The following ALCAM variants were observed in gnomAD, a reference collection of about 807,000 sequenced individuals.
The protein encoded by ALCAM is CD166 antigen.
A neutral mutation model predicts 70.9 loss-of-function variants in ALCAM; 30 were observed. The observed-to-expected ratio is 0.42, with a 90% CI of 0.32 to 0.57. The LOEUF is 0.57. Ranked by LOEUF, ALCAM falls within the 20% of genes least tolerant of loss-of-function variation. The pLI is 0.11. For synonymous variants in ALCAM, 249 were observed against 242.5 expected (o/e 1.03, Z -0.25); for missense variants, 591 against 695.1 (o/e 0.85, Z 1.68).
At chr3:105,534,993 T>TCC in intron 6 of ALCAM, 148 bp downstream of exon 6, 1 of 688,078 alleles carries the variant, frequency 1.5e-6, no homozygotes, top group Non-Finnish European at 2.4e-6. Flanking sequence ...AATCTCTTCC[T>TCC]CTTTAGGAGA....
At chr3:105,449,840 G>A (rs1937384338) in intron 1 of ALCAM, among the ~76,000 whole-genome samples, 1 of 152,136 alleles carries the variant, frequency 6.6e-6, no homozygotes, top group South Asian at 2.1e-4. Flanking sequence ...AAACCACCAA[G>A]AGAATGGTGG....
chr3:105,409,666 A>G (rs922129326), intron 1 of ALCAM, among the ~76,000 whole-genome samples: 5 of 152,038 alleles, frequency 3.3e-5, no homozygotes, highest in African/African-American at 1.2e-4. Context: ...CAACTTACTC[A>G]TGTAACCAAA....
intron 1 of ALCAM, among the ~76,000 whole-genome samples, chr3:105,367,810 T>A (rs1935106362): frequency 6.6e-6 from 1 of 152,160 alleles, no homozygotes; most frequent in African/African-American, 2.4e-5. Flanking sequence ...CCTCTGACAG[T>A]TCCTCCTGTC....
intron 1 of ALCAM, among the ~76,000 whole-genome samples, chr3:105,436,659 A>G (rs1171665503): frequency 1.3e-5 from 2 of 152,162 alleles, no homozygotes; most frequent in African/African-American, 4.8e-5. Context: ...AAGTTCTTCA[A>G]CTGAGTCTTC....
chr3:105,477,609 C>A (rs1938155448), intron 1 of ALCAM, among the ~76,000 whole-genome samples: 1 of 152,012 alleles, frequency 6.6e-6, no homozygotes, highest in African/African-American at 2.4e-5. Flanking sequence ...ATTTACTGAA[C>A]TTCTTAAACC....
intron 1 of ALCAM, among the ~76,000 whole-genome samples, chr3:105,471,342 A>G (rs1033797322): frequency 6.6e-6 from 1 of 151,334 alleles, no homozygotes; most frequent in African/African-American, 2.4e-5. Flanking sequence ...GGGATGGAAA[A>G]ATGTCATTTT....
At chr3:105,572,956 G>A (rs1940887692) in intron 15 of ALCAM, among the ~76,000 whole-genome samples, 1 of 151,976 alleles carries the variant, frequency 6.6e-6, no homozygotes, top group African/African-American at 2.4e-5. Flanking sequence ...TTGGTGTTTG[G>A]GTTCAGTAAG....
chr3:105,397,975 T>C (rs956629595), intron 1 of ALCAM, among the ~76,000 whole-genome samples: 1 of 152,104 alleles, frequency 6.6e-6, no homozygotes, highest in South Asian at 2.1e-4. Context: ...GATGCAGTGA[T>C]AAAGAAAACA....
In ALCAM at chr3:105,446,610, T is replaced by TACAC. The variant is rs59828133; in HGVS notation, c.74-73419_74-73416dup. Among the ~76,000 whole-genome samples the TACAC allele has an allele frequency of 4.3e-3, 613 of 144,106 alleles. 4 individuals are homozygous for TACAC. Among genetic ancestry groups the TACAC allele is most frequent in the African/African-American group, 0.011 (428 of 38,328 alleles). The allele number at this position is 144,106 out of a possible 152,430, so 94.5% of individuals were successfully genotyped here. A position where few individuals can be genotyped will look rare whatever the true frequency, so the allele number is the denominator to read the frequency against. On this transcript the variant is annotated intron_variant, in intron 1 of 15. Transcript: ENST00000306107. ...ATGAATGGATAAAGGAAATTTGGTG[T>TACAC]ACACACACACACACACACACACACA...
chr3:105,480,786 C>T (rs972075833), intron 1 of ALCAM, among the ~76,000 whole-genome samples: 1 of 152,122 alleles, frequency 6.6e-6, no homozygotes, highest in African/African-American at 2.4e-5. Context: ...AAAGTATTTT[C>T]TGAGAACAAT....
chr3:105,534,903 C>A, intron 6 of ALCAM, 58 bp downstream of exon 6: 1 of 1,461,978 alleles, frequency 6.8e-7, no homozygotes, highest in African/African-American at 1.4e-5. Context: ...TATTCAAATG[C>A]TATTAATCTT....
intron 1 of ALCAM, among the ~76,000 whole-genome samples, chr3:105,395,515 C>T (rs1214891000): frequency 3.3e-5 from 5 of 151,942 alleles, no homozygotes; most frequent in Non-Finnish European, 7.4e-5. Context: ...TACATCAGCT[C>T]TCCATTTTAG....
chr3:105,388,139 A>G (rs1421084031), intron 1 of ALCAM, among the ~76,000 whole-genome samples: 3 of 151,664 alleles, frequency 2.0e-5, no homozygotes, highest in African/African-American at 7.3e-5. Context: ...CCTCTGTTTA[A>G]CACTGAACAA....
intron 1 of ALCAM, among the ~76,000 whole-genome samples, chr3:105,470,390 A>T (rs1316282446): frequency 6.6e-6 from 1 of 151,104 alleles, no homozygotes; most frequent in African/African-American, 2.4e-5. Flanking sequence ...CTTTTGTGCC[A>T]CAGTAAATAC....
chr3:105,485,701 T>C (rs905087074), intron 1 of ALCAM, among the ~76,000 whole-genome samples: 10 of 152,074 alleles, frequency 6.6e-5, no homozygotes, highest in Non-Finnish European at 1.3e-4. Context: ...TTAAGCAATA[T>C]GATATTGCCT....
chr3:105,453,478 T>C (rs1396974224), intron 1 of ALCAM, among the ~76,000 whole-genome samples: 1 of 152,238 alleles, frequency 6.6e-6, no homozygotes, highest in African/African-American at 2.4e-5. Flanking sequence ...TACTGGAGCC[T>C]TGTAGTATAG....
chr3:105,403,161 G>A (rs922321385), intron 1 of ALCAM, among the ~76,000 whole-genome samples: 1 of 151,966 alleles, frequency 6.6e-6, no homozygotes, highest in Non-Finnish European at 1.5e-5. Context: ...TGGCCAGGCT[G>A]GTCTCGAATT....
At chr3:105,474,264 C>A (rs1938030729) in intron 1 of ALCAM, among the ~76,000 whole-genome samples, 3 of 151,836 alleles carry the variant, frequency 2.0e-5, no homozygotes, top group African/African-American at 7.2e-5. Flanking sequence ...TAATCAGGCA[C>A]TGAATAGAAC....
intron 1 of ALCAM, among the ~76,000 whole-genome samples, chr3:105,485,527 G>T (rs1399830888): frequency 6.6e-6 from 1 of 151,784 alleles, no homozygotes; most frequent in African/African-American, 2.4e-5. Context: ...TTCAATTTAA[G>T]CATTAGGTCT....
Sources: allele counts gnomAD v4.1 joint callset (sites outside exome capture counted in the v4.1 genomes callset), GRCh38; gene constraint gnomAD v4.1.1; transcripts MANE v1.5; gene names NCBI Gene and HGNC (gene_info 2026-07-23, HGNC 2026-07-21).